BCORL1: variants seen among roughly 807,000 people sequenced by gnomAD.
BCORL1 encodes the protein BCL-6 corepressor-like protein 1.
In BCORL1, 7 loss-of-function variants were observed where a neutral mutation model predicts 87.6. That is an observed-to-expected ratio of 0.08 (90% CI 0.05 to 0.15). The LOEUF is 0.15. Among genes scored for constraint, BCORL1 ranks in the 10% least tolerant of loss-of-function variants. The probability of loss-of-function intolerance (pLI) is 1.00; values close to 1 mark genes in which losing one functional copy is unlikely to be tolerated. For synonymous variants in BCORL1, 591 were observed against 634.4 expected (o/e 0.93, Z 1.03); for missense variants, 1,215 against 1,499.7 (o/e 0.81, Z 3.13).
At chrX:130,051,345 C>T (rs1279050940) in intron 12 of BCORL1, among the ~76,000 whole-genome samples, 1 of 112,814 alleles carries the variant, frequency 8.9e-6, no homozygotes, top group Non-Finnish European at 1.9e-5. Context: ...AGGAAACACC[C>T]ACTCCTACCC....
chrX:130,028,838 G>A lies in BCORL1; in HGVS notation c.4282G>A (p.Ala1428Thr), dbSNP rs905184676. 9 of 1,084,821 alleles carry A rather than the reference G, an allele frequency of 8.3e-6. No individual in the cohort carries two copies. The highest frequency in any genetic ancestry group is 2.6e-4 in the Middle Eastern group (1 of 3,776). The allele number at this position is 1,084,821 out of a possible 1,213,427, so 89.4% of individuals were successfully genotyped here. A position where few individuals can be genotyped will look rare whatever the true frequency, so the allele number is the denominator to read the frequency against. ...ACGAAAGTGCAAGACCAAGCACATGGCAACCGTCTCAGAAGAGGCAAAGGT... is the reference window on the plus strand; with the variant it reads ...ACGAAAGTGCAAGACCAAGCACATGACAACCGTCTCAGAAGAGGCAAAGGT... Reference protein sequence around the residue: ...GKRKCKTKHMATVSEEAKGKG... With the variant: ...GKRKCKTKHMTTVSEEAKGKG... Residue 1428 changes from alanine (A) to threonine (T), a missense_variant, in exon 8 of 14, where the codon GCA (alanine) becomes ACA (threonine). Transcript: ENST00000540052.
intron 11 of BCORL1, among the ~76,000 whole-genome samples, chrX:130,039,575 C>T (rs1452381250): frequency 8.8e-6 from 1 of 113,009 alleles, no homozygotes; most frequent in Non-Finnish European, 1.9e-5. Context: ...TGTGTGGGGG[C>T]GGCAGCCCCA....
intron 1 of BCORL1, among the ~76,000 whole-genome samples, chrX:129,991,238 T>C (rs1219642563): frequency 1.8e-5 from 2 of 111,821 alleles, no homozygotes; most frequent in Admixed American, 9.6e-5. Context: ...TGCCTCAGCC[T>C]TCTGAGTAGC....
chrX:130,030,513 C>T lies in BCORL1; in HGVS notation c.4305+1652C>T, dbSNP rs955518833. ...GTGGTCCTGAGTGATGCAGTTGGGA[C>T]GTGAAAAAGGCCTGTCTGCCTCTGG... On this transcript the variant is annotated intron_variant, in intron 8 of 13. Transcript: ENST00000540052. Among the ~76,000 whole-genome samples the T allele has an allele frequency of 4.5e-5, 5 of 110,970 alleles. No individual in the cohort carries two copies. The South Asian group carries it at 1.9e-3, about 42-fold the overall frequency.
intron 2 of BCORL1, among the ~76,000 whole-genome samples, chrX:130,009,434 G>T (rs779431262): frequency 2.5e-4 from 26 of 105,465 alleles, no homozygotes; most frequent in Non-Finnish European, 4.7e-4. Flanking sequence ...TCCAGCCTGG[G>T]CAACAAGAGA....
intron 11 of BCORL1, among the ~76,000 whole-genome samples, chrX:130,041,874 G>T (rs777911376): frequency 7.7e-4 from 86 of 111,830 alleles, no homozygotes; most frequent in African/African-American, 2.5e-3. Flanking sequence ...TGATCCGCCC[G>T]CCTCGGCCTC....
chrX:130,020,304 C>T (rs1178755742), intron 4 of BCORL1, among the ~76,000 whole-genome samples: 2 of 111,716 alleles, frequency 1.8e-5, no homozygotes, highest in African/African-American at 6.5e-5. Context: ...AGCTTCTCCT[C>T]CCAGGGTTGT....
chrX:130,037,167 C>T, intron 9 of BCORL1, among the ~76,000 whole-genome samples, 200 bp from the exon 10 acceptor site: 1 of 110,995 alleles, frequency 9.0e-6, no homozygotes, highest in East Asian at 2.8e-4. Flanking sequence ...TCTCCACTGC[C>T]AAGGAAACGG....
At position 130,013,328 on chromosome X, in the gene BCORL1, G is replaced by A; in HGVS notation, c.556G>A (p.Glu186Lys). The A allele has an allele frequency of 4.1e-6, 5 of 1,211,879 alleles. No individual in the cohort carries two copies. Among genetic ancestry groups the A allele is most frequent in the Non-Finnish European group, 4.5e-6 (4 of 895,473 alleles). The part of the protein sequence containing the change: ...LATLGTGVPV[E>K]GTLPLVTTNF... ...AACTCTGGGAACTGGAGTCCCTGTGGAGGGGACCCTGCCCCTGGTTACCAC... is the reference window on the plus strand; with the variant it reads ...AACTCTGGGAACTGGAGTCCCTGTGAAGGGGACCCTGCCCCTGGTTACCAC... Residue 186 changes from glutamate (E) to lysine (K), a missense_variant, in exon 4 of 14, where the codon GAG becomes AAG. Physicochemically the swap from Glu to Lys is moderately conservative, Grantham distance 56 (BLOSUM62 1). Around this residue, in one of 5 missense-constraint regions of BCORL1, gnomAD observed 861 missense variants for 1,010.0 expected, o/e 0.85. Coordinates refer to ENST00000540052, the MANE Select transcript of BCORL1 (RefSeq NM_001379451.1).
chrX:130,000,206 C>T (rs774442270), intron 1 of BCORL1, among the ~76,000 whole-genome samples: 4 of 107,837 alleles, frequency 3.7e-5, no homozygotes, highest in Admixed American at 1.0e-4. Context: ...CCACCATGCC[C>T]GGCTAATTTT....
intron 13 of BCORL1, among the ~76,000 whole-genome samples, chrX:130,054,177 A>T (rs764993795): frequency 4.4e-5 from 5 of 112,483 alleles, no homozygotes; most frequent in African/African-American, 1.3e-4. Context: ...GATTTATTAT[A>T]AAAAACTCCA....
chrX:130,033,590 T>C (rs1377922325), intron 8 of BCORL1, among the ~76,000 whole-genome samples: 1 of 111,975 alleles, frequency 8.9e-6, no homozygotes, highest in Non-Finnish European at 1.9e-5. Flanking sequence ...GAGTATGATA[T>C]GGGGACACAG....
chrX:130,053,532 A>G (rs921086836), intron 13 of BCORL1, among the ~76,000 whole-genome samples: 23 of 112,029 alleles, frequency 2.1e-4, no homozygotes, highest in Non-Finnish European at 3.0e-4. Context: ...GGACCAGGGT[A>G]GTCTGCATTA....
chrX:129,994,368 A>G (rs1927394424), intron 1 of BCORL1, among the ~76,000 whole-genome samples: 1 of 111,680 alleles, frequency 9.0e-6, no homozygotes, highest in Non-Finnish European at 1.9e-5. Context: ...ATGTTCCTAA[A>G]CATCAGATCG....
Position 130,013,523 on chromosome X carries a change from C to T in BCORL1, c.751C>T (p.Pro251Ser). The change falls in exon 4 of 14, where the codon CCC (proline) becomes TCC (serine). Residue 251 changes from proline to serine, a missense_variant. By Grantham distance (74) the Pro-to-Ser change is moderately conservative. Transcript: ENST00000540052. ...CACTTCGGTTCCAGCTCCTTCCCCT[C>T]CCTTAGCACCTGTCCCGGCTCTGGC... Reference protein sequence around the residue: ...VATSVPAPSPPLAPVPALAPA... With the variant: ...VATSVPAPSPSLAPVPALAPA... 8.3e-7 allele frequency: 1 copy of T among 1,211,460 alleles called. No homozygotes were observed. Among genetic ancestry groups the T allele is most frequent in the Non-Finnish European group, 1.1e-6 (1 of 895,445 alleles).
intron 4 of BCORL1, among the ~76,000 whole-genome samples, chrX:130,018,712 G>A (rs1370567663): frequency 1.8e-5 from 2 of 112,120 alleles, no homozygotes; most frequent in East Asian, 2.8e-4. Flanking sequence ...CAGTTCAGTG[G>A]GCCCACTATC....
rs1930399220 is a variant in BCORL1, at chrX:130,028,822, C to T, written c.4266C>T (p.Cys1422=). 3 of 1,205,778 alleles carry T rather than the reference C, an allele frequency of 2.5e-6. No individual in the cohort carries two copies. The East Asian group carries it at 8.9e-5, about 36-fold the overall frequency. ...NSEKPSGKRK[C]KTKHMATVSE... ...AAAAGCCATCAGGAAAACGAAAGTG[C>T]AAGACCAAGCACATGGCAACCGTCT... Residue 1422 remains cysteine, a synonymous_variant, in exon 8 of 14, where the codon TGC becomes TGT. Transcript: ENST00000540052.
Position 130,025,077 on chromosome X carries a change from C to T in BCORL1, c.3776C>T (p.Thr1259Ile). Residue 1259 changes from threonine to isoleucine, a missense_variant, in exon 7 of 14, where the codon ACC becomes ATC. Physicochemically the swap from Thr to Ile is moderately conservative, Grantham distance 89. Coordinates refer to ENST00000540052, the MANE Select transcript of BCORL1 (RefSeq NM_001379451.1). ...VFPTEEEEEVTPTPAKRRKVR... is the reference protein window; with the variant it reads ...VFPTEEEEEVIPTPAKRRKVR... ...CCCACAGAAGAAGAAGAGGAGGTAA[C>T]CCCCACCCCAGCTAAGCGTCGAAAG... is the stretch of plus-strand genomic sequence containing the variant. 1 of 1,211,778 alleles carries T rather than the reference C, an allele frequency of 8.3e-7. No individual in the cohort carries two copies. The highest frequency in any genetic ancestry group is 1.1e-6 in the Non-Finnish European group (1 of 895,497).
intron 13 of BCORL1, among the ~76,000 whole-genome samples, chrX:130,055,613 G>C (rs1012032574): frequency 8.9e-6 from 1 of 112,850 alleles, no homozygotes; most frequent in African/African-American, 3.2e-5. Context: ...CACTGATTGC[G>C]TGCTCACCAT....
Sources: gnomAD v4.1 joint callset for allele counts (sites outside exome capture counted in the v4.1 genomes callset) on GRCh38, gnomAD v4.1.1 for gene constraint, gnomAD v4.1.1 regional missense constraint, MANE v1.5 for transcripts, NCBI Gene and HGNC (gene_info 2026-07-23, HGNC 2026-07-21) for gene names.